ZNF45: variants seen among roughly 807,000 people sequenced by gnomAD.
The protein encoded by ZNF45 is BRC1744.
Under a neutral mutation model 12.0 loss-of-function variants are expected in ZNF45, and 4 were observed. The observed-to-expected ratio is 0.33, with a 90% confidence interval of 0.16 to 0.76. The LOEUF (loss-of-function observed/expected upper bound fraction) is 0.76. Ranked by LOEUF, ZNF45 falls within the 30% of genes least tolerant of loss-of-function variation. The probability of loss-of-function intolerance (pLI) is 0.60; values close to 1 mark genes in which losing one functional copy is unlikely to be tolerated. For missense variants in ZNF45, 700 were observed against 813.0 expected (o/e 0.86, Z 1.69); for synonymous variants, 272 against 279.6 (o/e 0.97, Z 0.27).
At chr19:43,925,519 G>A (rs1377473500) in intron 3 of ZNF45, 61 bp from the exon 4 acceptor site, 1 of 152,150 alleles carries the variant, frequency 6.6e-6, no homozygotes, top group Non-Finnish European at 1.5e-5. Flanking sequence ...GTTAATTACT[G>A]CTTGATTTAT....
Position 43,919,571 on chromosome 19 carries a change from A to G in ZNF45, c.142+2T>C. ...GTTCAGTCAGAGAATGCCTGTCCTC[A>G]CCCACTGAGACCACATTCCTGAAGT... On this transcript the variant is annotated splice_donor_variant, in intron 8 of 9. Coordinates refer to ENST00000269973, the MANE Select transcript of ZNF45 (RefSeq NM_003425.4). LOFTEE classifies it high-confidence loss of function. The G allele has an allele frequency of 6.2e-7, 1 of 1,611,474 alleles. No homozygotes were observed. Among genetic ancestry groups the G allele is most frequent in the Non-Finnish European group, 8.5e-7 (1 of 1,178,342 alleles).
chr19:43,930,211 T>A (rs1050757093), intron 3 of ZNF45, among the ~76,000 whole-genome samples: 1 of 152,110 alleles, frequency 6.6e-6, no homozygotes. Context: ...AGGTGAACTC[T>A]CTCTCTGAAG....
chr19:43,924,779 G>A (rs900196608), intron 4 of ZNF45, among the ~76,000 whole-genome samples: 1 of 152,302 alleles, frequency 6.6e-6, no homozygotes, highest in South Asian at 2.1e-4. Context: ...CTAGTACTTT[G>A]TGCTCTAATG....
In ZNF45 at chr19:43,935,244, T is replaced by C. The variant is rs73036793; in HGVS notation, c.-1076A>G. On this transcript the variant is annotated 5_prime_UTR_variant, in exon 1 of 10. Transcript: ENST00000269973. The stretch of plus-strand genomic sequence containing the variant: ...GACTCACTCACTTCCACGAGAGGAA[T>C]GAAGGCCGCGCTCTCAACCTCTTGC... 0.1 allele frequency: 15,555 copies of C among 152,302 alleles called. 910 individuals are homozygous for C. Among genetic ancestry groups the C allele is most frequent in the East Asian group, 0.14 (701 of 5,176 alleles). The allele number at this position is 152,302 out of a possible 1,614,324, so 9.4% of individuals were successfully genotyped here. A position where few individuals can be genotyped will look rare whatever the true frequency, so the allele number is the denominator to read the frequency against.
intron 3 of ZNF45, among the ~76,000 whole-genome samples, chr19:43,926,031 C>T (rs1288256108): frequency 6.6e-6 from 1 of 152,178 alleles, no homozygotes; most frequent in East Asian, 1.9e-4. Flanking sequence ...GATATATTTC[C>T]ATCGCCTCGG....
At chr19:43,931,114 G>C (rs1268470332) in intron 3 of ZNF45, 1 of 152,110 alleles carries the variant, frequency 6.6e-6, no homozygotes, top group East Asian at 1.9e-4. Context: ...AAGTTCAAAA[G>C]ACAGCAAATT....
intron 6 of ZNF45, among the ~76,000 whole-genome samples, chr19:43,923,512 G>A (rs1372312180): frequency 2.6e-5 from 4 of 152,048 alleles, no homozygotes; most frequent in African/African-American, 9.7e-5. Flanking sequence ...GTATATTTAG[G>A]GTTCAGTAAT....
intron 2 of ZNF45, among the ~76,000 whole-genome samples, chr19:43,933,362 G>A (rs1281028645): frequency 6.6e-6 from 1 of 152,136 alleles, no homozygotes; most frequent in Non-Finnish European, 1.5e-5. Context: ...CCAGAGGCAG[G>A]AGAATTGCTT....
chr19:43,913,600 G>T lies in ZNF45; in HGVS notation c.1836C>A (p.Tyr612Ter). The change falls in exon 10 of 10, where the codon TAC (tyrosine) becomes TAA (stop). Residue 612 changes from tyrosine to a stop codon, truncating the protein, a stop_gained. Transcript: ENST00000269973. LOFTEE classifies it low-confidence loss of function (END_TRUNC). The part of the protein sequence containing the change: ...HQRVHTGERP[Y>*]KCEECGKVFS... ...AGACTTTCCCACATTCCTCACATTT[G>T]TATGGTCTCTCTCCTGTGTGGACCC... 6.2e-7 allele frequency: 1 copy of T among 1,613,698 alleles called. No homozygotes were observed.
At chr19:43,926,880 T>C (rs1297749027) in intron 3 of ZNF45, among the ~76,000 whole-genome samples, 1 of 152,124 alleles carries the variant, frequency 6.6e-6, no homozygotes, top group Non-Finnish European at 1.5e-5. Flanking sequence ...ATTCAAACCA[T>C]GATGACGTTC....
chr19:43,927,770 C>T (rs565242234), intron 3 of ZNF45, among the ~76,000 whole-genome samples: 3 of 152,080 alleles, frequency 2.0e-5, no homozygotes, highest in African/African-American at 7.2e-5. Context: ...GTTAAAAAGC[C>T]ATAGGTCTGG....
At chr19:43,919,419 G>A (rs1972948470) in intron 8 of ZNF45, among the ~76,000 whole-genome samples, 154 bp downstream of exon 8, 2 of 152,150 alleles carry the variant, frequency 1.3e-5, no homozygotes, top group South Asian at 2.1e-4. Context: ...ACACACTTTT[G>A]CCAGGGGAGA....
chr19:43,927,008 AGGGGGAGGAGGCTAG>A lies in ZNF45; in HGVS notation c.-399-1565_-399-1551del, dbSNP rs1471091912. Among the ~76,000 whole-genome samples the A allele has an allele frequency of 2.0e-5, 3 of 152,132 alleles. No homozygotes were observed. The East Asian group carries it at 5.8e-4, about 29-fold the overall frequency. Reference sequence around the variant, plus strand: ...ACCCTCTCAAACGGGAGGAGGCTTGAGGGGGAGGAGGCTAGGGCCAGAGAGACTATTAGGAGAGCC... The same window carrying A: ...ACCCTCTCAAACGGGAGGAGGCTTGAGGCCAGAGAGACTATTAGGAGAGCC... On this transcript the variant is annotated intron_variant, in intron 3 of 9. Transcript: ENST00000269973.
chr19:43,913,479 A>G lies in ZNF45; in HGVS notation c.1957T>C (p.Ser653Pro). 1.2e-6 allele frequency: 2 copies of G among 1,613,136 alleles called. No individual in the cohort carries two copies. The highest frequency in any genetic ancestry group is 1.7e-6 in the Non-Finnish European group (2 of 1,179,392). ...ACTCGCTGATGAATGATAAGACTTG[A>G]GCTCCAACTGAAGCCCTTCCCACAC... ...EECGKGFSWS[S>P]SLIIHQRVHA... The change falls in exon 10 of 10, where the codon TCA becomes CCA. Residue 653 changes from serine (S) to proline (P), a missense_variant. Transcript: ENST00000269973.
At chr19:43,919,467 G>A in intron 8 of ZNF45, 106 bp downstream of exon 8, 3 of 1,353,318 alleles carry the variant, frequency 2.2e-6, no homozygotes, top group Non-Finnish European at 3.0e-6. Flanking sequence ...TATGATGGAT[G>A]ATTAGAAAAC....
intron 6 of ZNF45, 94 bp downstream of exon 6, chr19:43,924,144 T>C (rs1251404125): frequency 6.6e-6 from 1 of 152,052 alleles, no homozygotes; most frequent in Non-Finnish European, 1.5e-5. Flanking sequence ...AGCACAATAA[T>C]AACAACAAAA....
chr19:43,914,080 G>A lies in ZNF45; in HGVS notation c.1356C>T (p.Gly452=). Reference sequence around the variant, plus strand: ...CCAGAAGATTTGAGGCCTGGCTGAAGCCCTTGCCACACTCCTCACATTTAT... The same window carrying A: ...CCAGAAGATTTGAGGCCTGGCTGAAACCCTTGCCACACTCCTCACATTTAT... ...KPYKCEECGK[G]FSQASNLLAH... Residue 452 remains glycine (G), a synonymous_variant, in exon 10 of 10, where the codon GGC becomes GGT. Transcript: ENST00000269973. 6.2e-7 allele frequency: 1 copy of A among 1,613,980 alleles called. No homozygotes were observed. The highest frequency in any genetic ancestry group is 1.6e-4 in the Middle Eastern group (1 of 6,062).
At chr19:43,928,003 T>C (rs972479954) in intron 3 of ZNF45, among the ~76,000 whole-genome samples, 1 of 151,320 alleles carries the variant, frequency 6.6e-6, no homozygotes, top group Non-Finnish European at 1.5e-5. Flanking sequence ...GGAGAAACCC[T>C]GTCTCTACTT....
intron 9 of ZNF45, among the ~76,000 whole-genome samples, chr19:43,916,235 C>T (rs1013821062): frequency 1.3e-5 from 2 of 152,030 alleles, no homozygotes; most frequent in Non-Finnish European, 2.9e-5. Context: ...CTGCCTTATC[C>T]CCCCAAGCTG....
Sources: allele counts gnomAD v4.1 joint callset (sites outside exome capture counted in the v4.1 genomes callset), GRCh38; gene constraint gnomAD v4.1.1; transcripts MANE v1.5; gene names NCBI Gene and HGNC (gene_info 2026-07-23, HGNC 2026-07-21).